PRKG1: variants seen among roughly 807,000 people sequenced by gnomAD.
PRKG1 encodes the protein protein kinase cGMP-dependent 1.
In PRKG1, 35 loss-of-function variants were observed where a neutral mutation model predicts 88.1. The ratio of observed to expected loss-of-function variants is 0.40; its 90% confidence interval spans 0.30 to 0.53. The LOEUF is 0.53. Ranked by LOEUF, PRKG1 falls within the 20% of genes least tolerant of loss-of-function variation. The probability of loss-of-function intolerance (pLI) is 0.59; values close to 1 mark genes in which losing one functional copy is unlikely to be tolerated. For missense variants in PRKG1, 540 were observed against 839.8 expected (o/e 0.64, Z 4.41); for synonymous variants, 303 against 292.5 (o/e 1.04, Z -0.37).
chr10:51,284,794 A>T (rs1439965414), intron 2 of PRKG1, among the ~76,000 whole-genome samples: 4 of 148,608 alleles, frequency 2.7e-5, no homozygotes, highest in African/African-American at 9.9e-5. Context: ...GTAACCATGC[A>T]GTTGAATATC....
At chr10:52,085,250 T>TCTCC (rs914683754) in intron 7 of PRKG1, among the ~76,000 whole-genome samples, 16 of 151,892 alleles carry the variant, frequency 1.1e-4, no homozygotes, top group Admixed American at 6.6e-4. Context: ...ATCAAATTAT[T>TCTCC]CTCCCTCCCT....
chr10:51,032,723 C>A lies in PRKG1; in HGVS notation c.266+41079C>A, dbSNP rs139138388. ...GCAGTGAGCTGAGACTGCGACACTG[C>A]ACTACATGCAGTGGGGGGGTGACTC... On this transcript the variant is annotated intron_variant, in intron 1 of 17. Transcript: ENST00000401604. Among the ~76,000 whole-genome samples the A allele has an allele frequency of 3.5e-3, 540 of 152,228 alleles. 2 individuals carry two copies. The highest frequency in any genetic ancestry group is 0.017 in the South Asian group (84 of 4,820).
chr10:52,273,172 C>A (rs1012464528), intron 12 of PRKG1, among the ~76,000 whole-genome samples: 15 of 151,988 alleles, frequency 9.9e-5, no homozygotes, highest in Non-Finnish European at 1.8e-4. Flanking sequence ...AGATAACTAG[C>A]AAATTATCTA....
Position 52,142,670 on chromosome 10 carries a change from G to A in PRKG1, c.1001+8765G>A, listed in dbSNP as rs191979489. On this transcript the variant is annotated intron_variant, in intron 8 of 17. Transcript: ENST00000373980. ...TCTCCATCATCCTGGCTAAATATTT[G>A]GAATTAGAATTTAAATGACAATTTT... 4.3e-3 allele frequency among the ~76,000 whole-genome samples: 660 copies of A among 152,092 alleles called. 5 individuals are homozygous for A. Among genetic ancestry groups the A allele is most frequent in the African/African-American group, 0.015 (617 of 41,504 alleles).
intron 3 of PRKG1, among the ~76,000 whole-genome samples, chr10:51,508,738 C>T (rs1841304445): frequency 6.6e-6 from 1 of 152,080 alleles, no homozygotes; most frequent in Non-Finnish European, 1.5e-5. Flanking sequence ...TCTGTTAATT[C>T]AATGTGATTG....
chr10:51,628,934 C>T (rs1366898289), intron 3 of PRKG1, among the ~76,000 whole-genome samples: 2 of 149,258 alleles, frequency 1.3e-5, no homozygotes, highest in Non-Finnish European at 3.0e-5. Context: ...AGTCCGCAGT[C>T]CGGCCTGGGC....
rs377224125 is a variant in PRKG1 at position 51,801,461 on chromosome 10, G to A, written c.593-3124G>A. 5.3e-5 allele frequency among the ~76,000 whole-genome samples: 8 copies of A among 152,198 alleles called. No homozygotes were observed. The East Asian group carries it at 1.5e-3, about 29-fold the overall frequency. ...CATGGATAATAGTTTGTCTACCTCTGTACTAGATCACAAGTTTCTTGAGGG... is the reference window on the plus strand; with the variant it reads ...CATGGATAATAGTTTGTCTACCTCTATACTAGATCACAAGTTTCTTGAGGG... On this transcript the variant is annotated intron_variant, in intron 3 of 17. Transcript: ENST00000373980.
chr10:51,635,116 G>C (rs1242208125), intron 3 of PRKG1, among the ~76,000 whole-genome samples: 1 of 152,026 alleles, frequency 6.6e-6, no homozygotes, highest in Non-Finnish European at 1.5e-5. Context: ...AAGAATGCCT[G>C]GTAATTTGAC....
intron 1 of PRKG1, among the ~76,000 whole-genome samples, chr10:51,012,793 A>C (rs1023825204): frequency 6.6e-6 from 1 of 152,266 alleles, no homozygotes; most frequent in African/African-American, 2.4e-5. Flanking sequence ...CAGTAAATAA[A>C]GGTGCAATGG....
At chr10:51,971,633 G>A (rs558774019) in intron 5 of PRKG1, among the ~76,000 whole-genome samples, 5 of 152,154 alleles carry the variant, frequency 3.3e-5, no homozygotes, top group African/African-American at 1.2e-4. Flanking sequence ...TGATAAAAAT[G>A]TTGATATATC....
chr10:51,855,306 C>T (rs1386764435), intron 4 of PRKG1, among the ~76,000 whole-genome samples: 6 of 152,114 alleles, frequency 3.9e-5, no homozygotes, highest in African/African-American at 1.4e-4. Flanking sequence ...TTATATCAGA[C>T]AATCTGATTT....
chr10:52,289,389 A>G lies in PRKG1; in HGVS notation c.1895+396A>G, dbSNP rs958351972. On this transcript the variant is annotated intron_variant, in intron 16 of 17. Coordinates refer to ENST00000373980, the MANE Select transcript of PRKG1 (RefSeq NM_006258.4). The stretch of plus-strand genomic sequence containing the variant: ...TCCAAGCATTTCCTAATTAGATGTT[A>G]TAACAGGAGAAAAACATAAGTACAG... Among the ~76,000 whole-genome samples the G allele has an allele frequency of 4.6e-5, 7 of 152,182 alleles. No homozygotes were observed. In the South Asian group the frequency reaches 6.2e-4, roughly 13 times the overall value.
rs967465354 is a variant in PRKG1, at chr10:52,178,054, C to G, written c.1076+16091C>G. Among the ~76,000 whole-genome samples the G allele has an allele frequency of 4.0e-5, 6 of 149,482 alleles. No individual in the cohort carries two copies. In the South Asian group the frequency reaches 1.3e-3, roughly 31 times the overall value. ...CTACTAATTTGGGGTTTGGTTTGTT[C>G]TTGCCTTTCTAGTCCCTTGAGATGC... On this transcript the variant is annotated intron_variant, in intron 9 of 17. Transcript: ENST00000373980.
chr10:51,374,705 TG>T (rs1842783135), intron 2 of PRKG1, among the ~76,000 whole-genome samples: 1 of 152,154 alleles, frequency 6.6e-6, no homozygotes, highest in Admixed American at 6.5e-5. Flanking sequence ...AATGCTGCTT[TG>T]ATGTTGGAAT....
chr10:51,825,216 T>G (rs1339365447), intron 4 of PRKG1, among the ~76,000 whole-genome samples: 1 of 152,144 alleles, frequency 6.6e-6, no homozygotes, highest in African/African-American at 2.4e-5. Context: ...ATTTTCTGTA[T>G]GGGCTAGAAA....
At chr10:51,494,393 C>A (rs1254094029) in intron 3 of PRKG1, among the ~76,000 whole-genome samples, 1 of 152,138 alleles carries the variant, frequency 6.6e-6, no homozygotes, top group African/African-American at 2.4e-5. Flanking sequence ...GTAACTATTG[C>A]CAGTATCTGT....
chr10:52,053,535 T>C (rs1272684087), intron 5 of PRKG1, among the ~76,000 whole-genome samples: 2 of 152,214 alleles, frequency 1.3e-5, no homozygotes, highest in Non-Finnish European at 2.9e-5. Context: ...GCTTCTCTGC[T>C]ATGCTGCAGA....
chr10:51,869,958 A>G (rs1841113874), intron 4 of PRKG1, among the ~76,000 whole-genome samples: 1 of 152,118 alleles, frequency 6.6e-6, no homozygotes, highest in Non-Finnish European at 1.5e-5. Context: ...ATGTTTTTTT[A>G]TTTCTCAGTT....
intron 9 of PRKG1, among the ~76,000 whole-genome samples, chr10:52,232,989 T>C (rs1840561937): frequency 6.6e-6 from 1 of 152,184 alleles, no homozygotes; most frequent in Non-Finnish European, 1.5e-5. Flanking sequence ...AAACATTAAG[T>C]GGACATTGAA....
Sources: gnomAD v4.1 joint callset for allele counts (sites outside exome capture counted in the v4.1 genomes callset) on GRCh38, gnomAD v4.1.1 for gene constraint, MANE v1.5 for transcripts, NCBI Gene and HGNC (gene_info 2026-07-23, HGNC 2026-07-21) for gene names.